Variants in ADGRF3 observed in about 807,000 individuals in gnomAD.
The protein encoded by ADGRF3 is G protein-coupled receptor 113.
ADGRF3 carries 85 observed loss-of-function variants against 93.2 expected under a neutral mutation model. The ratio of observed to expected loss-of-function variants is 0.91; its 90% confidence interval spans 0.77 to 1.09. ADGRF3 has a LOEUF of 1.09. Ranked by LOEUF, ADGRF3 falls within the 50% of genes least tolerant of loss-of-function variation. ADGRF3 has a pLI of 0.00. For synonymous variants in ADGRF3, 534 were observed against 532.5 expected (o/e 1.00, Z -0.04); for missense variants, 1,125 against 1,246.2 (o/e 0.90, Z 1.46).
At chr2:26,316,218 C>A (rs1674637532) in intron 4 of ADGRF3, 57 bp downstream of exon 4, 2 of 1,503,380 alleles carry the variant, frequency 1.3e-6, no homozygotes, top group Non-Finnish European at 9.0e-7. Flanking sequence ...GAGAAAACCA[C>A]TGAGAACATT....
chr2:26,335,406 C>T lies in ADGRF3; in HGVS notation c.114+10715G>A, dbSNP rs547233507. 1.8e-3 allele frequency among the ~76,000 whole-genome samples: 270 copies of T among 152,328 alleles called. 1 individual carries two copies. Among genetic ancestry groups the T allele is most frequent in the Non-Finnish European group, 3.5e-3 (239 of 68,028 alleles). On this transcript the variant is annotated intron_variant, in intron 1 of 13. Coordinates refer to ENST00000651242, the MANE Select transcript of ADGRF3 (RefSeq NM_001321971.2). ...GGCTGAACAGTTGCATGGACACACA[C>T]ATTTTATTTATCCATTCAGCAGCTG...
At chr2:26,341,356 C>G (rs1192806125) in intron 1 of ADGRF3, among the ~76,000 whole-genome samples, 2 of 150,080 alleles carry the variant, frequency 1.3e-5, no homozygotes, top group African/African-American at 4.9e-5. Context: ...CCAGCCTGGG[C>G]AACAGAATGA....
rs200011272 is a variant in ADGRF3, at chr2:26,317,579, A to C, written c.115-17T>G. On this transcript the variant is annotated splice_polypyrimidine_tract_variant and intron_variant, in intron 1 of 13. Transcript: ENST00000651242. ...ACTCTGTCCCTGGAACAGAACACAG[A>C]GGGGAGACCTCAAGTCCCTTCCAAA... 2 of 1,560,334 alleles carry C rather than the reference A, an allele frequency of 1.3e-6. No individual in the cohort carries two copies. Among genetic ancestry groups the C allele is most frequent in the East Asian group, 4.8e-5 (2 of 41,462 alleles).
intron 10 of ADGRF3, 84 bp downstream of exon 10, chr2:26,310,608 C>T: frequency 7.1e-7 from 1 of 1,403,080 alleles, no homozygotes; most frequent in South Asian, 1.4e-5. Context: ...TTCTGCTCCA[C>T]CTTGGTACCT....
intron 1 of ADGRF3, among the ~76,000 whole-genome samples, chr2:26,324,318 A>C (rs1402388163): frequency 6.6e-6 from 1 of 152,202 alleles, no homozygotes; most frequent in Admixed American, 6.5e-5. Context: ...ACCTCTATGA[A>C]CCAGACATTG....
chr2:26,340,564 C>G (rs1676320139), intron 1 of ADGRF3: 1 of 152,180 alleles, frequency 6.6e-6, no homozygotes, highest in Admixed American at 6.5e-5. Flanking sequence ...ATCTGCATAC[C>G]TGACATTAGA....
At chr2:26,327,887 C>T (rs980593625) in intron 1 of ADGRF3, among the ~76,000 whole-genome samples, 5 of 151,912 alleles carry the variant, frequency 3.3e-5, no homozygotes, top group Admixed American at 6.6e-5. Context: ...CAACACAAAA[C>T]GGACTCAGAG....
At position 26,312,004 on chromosome 2, in the gene ADGRF3, C is replaced by T. The variant is rs79413730; in HGVS notation, c.1520G>A (p.Arg507Gln). ...TRSLWTLAQA[R>Q]KPWAGSTLLL... ...GAGAGTCGAGCCTGCCCAGGGCTTC[C>T]GGGCTTGGGCCAGGGTCCACAGAGA... The change falls in exon 10 of 14, where the codon CGG becomes CAG. Residue 507 changes from arginine (R) to glutamine (Q), a missense_variant. Physicochemically the swap from Arg to Gln is conservative, Grantham distance 43. Transcript: ENST00000651242. The T allele has an allele frequency of 0.03, 48,071 of 1,613,168 alleles. 1,560 individuals carry two copies. The highest frequency in any genetic ancestry group is 0.16 in the African/African-American group (12,265 of 74,986).
Position 26,311,130 on chromosome 2 carries a change from C to A in ADGRF3, c.2394G>T (p.Leu798Phe). Residue 798 changes from leucine to phenylalanine, a missense_variant, in exon 10 of 14, where the codon TTG becomes TTT. Transcript: ENST00000651242. ...GAAAGACAAAGAGCAGCTGGTGGGC[C>A]AACACCAGGGCCTGCGCCAGCATCC... ...FFWMLAQALV[L>F]AHQLLFVFHQ... The A allele has an allele frequency of 3.8e-6, 6 of 1,595,824 alleles. No individual in the cohort carries two copies. Among genetic ancestry groups the A allele is most frequent in the Non-Finnish European group, 5.1e-6 (6 of 1,171,610 alleles).
At chr2:26,330,991 G>A (rs112293635) in intron 1 of ADGRF3, among the ~76,000 whole-genome samples, 7 of 152,204 alleles carry the variant, frequency 4.6e-5, no homozygotes, top group African/African-American at 1.4e-4. Context: ...GGGCCCCTGC[G>A]TCTCACAATT....
At chr2:26,328,829 G>T (rs1313212404) in intron 1 of ADGRF3, among the ~76,000 whole-genome samples, 1 of 152,140 alleles carries the variant, frequency 6.6e-6, no homozygotes, top group Non-Finnish European at 1.5e-5. Flanking sequence ...TTTCAGATTG[G>T]ATCATTTCTA....
chr2:26,346,534 T>A lies in ADGRF3; in HGVS notation c.-300A>T. ...TTTTCCTTAGGAGAGCGCTCAGTGA[T>A]CATGGAGCGAGGGAATTCCCTTCCT... On this transcript the variant is annotated 5_prime_UTR_variant, in exon 1 of 14. Transcript: ENST00000651242. 2.3e-6 allele frequency: 1 copy of A among 430,128 alleles called. No individual in the cohort carries two copies. The highest frequency in any genetic ancestry group is 4.1e-6 in the Non-Finnish European group (1 of 243,688). 26.6% of individuals were successfully genotyped at this position (430,128 alleles called of 1,614,324 possible).
At position 26,314,404 on chromosome 2, in the gene ADGRF3, C is replaced by T. The variant is rs751351654; in HGVS notation, c.928+10G>A. 9.9e-6 allele frequency: 16 copies of T among 1,608,636 alleles called. No individual in the cohort carries two copies. The African/African-American group carries it at 1.6e-4, about 16-fold the overall frequency. ...CCCTCTGACCCCTGACTGCTGGCCC[C>T]TTCTCATACCTTTGCTGCCCTCTCC... On this transcript the variant is annotated intron_variant, in intron 6 of 13. Coordinates refer to ENST00000651242, the MANE Select transcript of ADGRF3 (RefSeq NM_001321971.2).
intron 1 of ADGRF3, among the ~76,000 whole-genome samples, chr2:26,338,661 C>T (rs1409698686): frequency 6.6e-6 from 1 of 152,078 alleles, no homozygotes; most frequent in East Asian, 1.9e-4. Flanking sequence ...GGGGTTTCTC[C>T]ATGTTGGCCA....
At chr2:26,331,034 A>G (rs567422070) in intron 1 of ADGRF3, among the ~76,000 whole-genome samples, 1 of 152,212 alleles carries the variant, frequency 6.6e-6, no homozygotes, top group South Asian at 2.1e-4. Context: ...CATTCAAAAT[A>G]TTTTCTGATT....
intron 1 of ADGRF3, among the ~76,000 whole-genome samples, chr2:26,330,553 T>C (rs1470934962): frequency 6.6e-6 from 1 of 152,170 alleles, no homozygotes; most frequent in Non-Finnish European, 1.5e-5. Flanking sequence ...TCAGAGGAAG[T>C]TCCCCTCCCT....
At chr2:26,322,644 A>T (rs189265217) in intron 1 of ADGRF3, among the ~76,000 whole-genome samples, 1 of 152,204 alleles carries the variant, frequency 6.6e-6, no homozygotes, top group Non-Finnish European at 1.5e-5. Flanking sequence ...CACTGAGTTT[A>T]CCTCAGTACC....
At chr2:26,334,902 G>A (rs758750890) in intron 1 of ADGRF3, among the ~76,000 whole-genome samples, 6 of 152,260 alleles carry the variant, frequency 3.9e-5, no homozygotes, top group Admixed American at 1.3e-4. Flanking sequence ...CCGAATTCAT[G>A]ACATCCTCTG....
rs926722779 is a variant in ADGRF3 at position 26,311,301 on chromosome 2, G to A, written c.2223C>T (p.His741=). Reference sequence around the variant, plus strand: ...AGAACACCATGTTGAGCAGGGCGGCGTGGCGGAAATAGGAGATCTTGTTCC... The same window carrying A: ...AGAACACCATGTTGAGCAGGGCGGCATGGCGGAAATAGGAGATCTTGTTCC... ...VVRNKISYFR[H]AALLNMVFCL... is the part of the protein sequence containing the mutation. Residue 741 remains histidine, a synonymous_variant, in exon 10 of 14, where the codon CAC becomes CAT. Coordinates refer to ENST00000651242, the MANE Select transcript of ADGRF3 (RefSeq NM_001321971.2). 30 of 1,613,762 alleles carry A rather than the reference G, an allele frequency of 1.9e-5. No individual in the cohort carries two copies. Among genetic ancestry groups the A allele is most frequent in the Middle Eastern group, 1.6e-4 (1 of 6,084 alleles).
Sources: gnomAD v4.1 joint callset for allele counts (sites outside exome capture counted in the v4.1 genomes callset) on GRCh38, gnomAD v4.1.1 for gene constraint, MANE v1.5 for transcripts, NCBI Gene and HGNC (gene_info 2026-07-23, HGNC 2026-07-21) for gene names.